The following SETBP1 variants were observed in gnomAD, a reference collection of about 807,000 sequenced individuals.
The protein encoded by SETBP1 is SET-binding protein.
In SETBP1, 9 loss-of-function variants were observed where a neutral mutation model predicts 101.0. That is an observed-to-expected ratio of 0.09 (90% CI 0.05 to 0.16). The LOEUF (loss-of-function observed/expected upper bound fraction) is 0.16. SETBP1 is among the 10% of genes least tolerant of loss of function. SETBP1 has a pLI of 1.00. For synonymous variants in SETBP1, 818 were observed against 788.5 expected, an observed-to-expected ratio of 1.04 and a Z score of -0.63; for missense variants, 1,858 against 2,033.8, an observed-to-expected ratio of 0.91 and a Z score of 1.66.
chr18:44,827,235 G>A (rs1025103344), intron 2 of SETBP1, among the ~76,000 whole-genome samples: 5 of 152,126 alleles, frequency 3.3e-5, no homozygotes, highest in Non-Finnish European at 7.4e-5. Flanking sequence ...TCCCAATATA[G>A]TTTCCGAAAG....
chr18:44,701,773 C>T lies in SETBP1; in HGVS notation c.427C>T (p.Arg143Cys), dbSNP rs768195901. The change falls in exon 2 of 6, where the codon CGT becomes TGT. Residue 143 changes from arginine to cysteine, a missense_variant. Physicochemically the swap from Arg to Cys is radical, Grantham distance 180. Coordinates refer to ENST00000649279, the MANE Select transcript of SETBP1 (RefSeq NM_015559.3). ...GCAGTCTGGGGACCAGAAGGTGTCCCGTGCTGGAAAAAATAGCAAAGCCAC... is the reference window on the plus strand; with the variant it reads ...GCAGTCTGGGGACCAGAAGGTGTCCTGTGCTGGAAAAAATAGCAAAGCCAC... Reference protein sequence around the residue: ...IKQSGDQKVSRAGKNSKATKE... With the variant: ...IKQSGDQKVSCAGKNSKATKE... The T allele has an allele frequency of 3.7e-6, 6 of 1,611,098 alleles. No homozygotes were observed. The highest frequency in any genetic ancestry group is 1.1e-5 in the South Asian group (1 of 91,014).
rs2073992384 is a variant in SETBP1 at position 45,068,107 on chromosome 18, C to T, written c.*4409C>T. On this transcript the variant is annotated 3_prime_UTR_variant, in exon 6 of 6. Coordinates refer to ENST00000649279, the MANE Select transcript of SETBP1 (RefSeq NM_015559.3). ...GTATTCATAAGTGGTTTTTAAAAGC[C>T]TTTTTTAAAGTGTAATTTGCATGTT... 6.6e-6 allele frequency: 1 copy of T among 151,974 alleles called. No individual in the cohort carries two copies. Among genetic ancestry groups the T allele is most frequent in the African/African-American group, 2.4e-5 (1 of 41,376 alleles). The allele number at this position is 151,974 out of a possible 1,614,324, so 9.4% of individuals were successfully genotyped here.
intron 2 of SETBP1, among the ~76,000 whole-genome samples, chr18:44,863,484 C>T (rs1443294631): frequency 2.0e-5 from 3 of 152,188 alleles, no homozygotes; most frequent in Non-Finnish European, 4.4e-5. Flanking sequence ...TTTCCTTACC[C>T]GTAGGCTGTT....
At chr18:44,969,523 CA>C (rs1021618642) in intron 4 of SETBP1, among the ~76,000 whole-genome samples, 1 of 152,116 alleles carries the variant, frequency 6.6e-6, no homozygotes, top group Non-Finnish European at 1.5e-5. Context: ...TATTCTTATG[CA>C]AATAAAGGAG....
chr18:45,023,575 T>C (rs909840673), intron 4 of SETBP1, among the ~76,000 whole-genome samples: 5 of 152,196 alleles, frequency 3.3e-5, no homozygotes, highest in South Asian at 2.1e-4. Flanking sequence ...AAATTGAATA[T>C]GTAGATGATG....
At chr18:44,847,573 C>T (rs2072749260) in intron 2 of SETBP1, among the ~76,000 whole-genome samples, 1 of 152,176 alleles carries the variant, frequency 6.6e-6, no homozygotes, top group Non-Finnish European at 1.5e-5. Context: ...GATGTAGAGA[C>T]ACGCATGCAT....
chr18:44,968,301 AAGAT>A (rs760012717), intron 4 of SETBP1, among the ~76,000 whole-genome samples: 1 of 152,364 alleles, frequency 6.6e-6, no homozygotes, highest in South Asian at 2.1e-4. Context: ...AGAAAGATAA[AAGAT>A]AGGGCTCCTG....
chr18:44,957,735 C>T (rs1229299050), intron 4 of SETBP1, among the ~76,000 whole-genome samples: 2 of 152,058 alleles, frequency 1.3e-5, no homozygotes, highest in Non-Finnish European at 2.9e-5. Context: ...AAGCAGTCAC[C>T]CAGATGAGGG....
Position 44,878,745 on chromosome 18 carries a change from C to T in SETBP1, c.540+9462C>T, listed in dbSNP as rs557870675. 6.6e-5 allele frequency among the ~76,000 whole-genome samples: 10 copies of T among 152,278 alleles called. 1 individual carries two copies. The highest frequency in any genetic ancestry group is 5.9e-4 in the Admixed American group (9 of 15,282). ...CCCCACTACCTGGCTCCCACTCTAA[C>T]CTTTTTGTCCTTCCACCTATCTACT... On this transcript the variant is annotated intron_variant, in intron 3 of 5. Transcript: ENST00000649279.
At chr18:44,756,018 A>G (rs978384522) in intron 2 of SETBP1, among the ~76,000 whole-genome samples, 2 of 152,070 alleles carry the variant, frequency 1.3e-5, no homozygotes, top group Non-Finnish European at 2.9e-5. Flanking sequence ...GATCAAGACC[A>G]TCCTGGCTAA....
At chr18:45,039,029 C>A (rs566693211) in intron 5 of SETBP1, among the ~76,000 whole-genome samples, 2 of 152,302 alleles carry the variant, frequency 1.3e-5, no homozygotes, top group South Asian at 4.1e-4. Context: ...CTTGTATCCT[C>A]ATTTTCAGAA....
chr18:44,801,802 A>G (rs1481198414), intron 2 of SETBP1, among the ~76,000 whole-genome samples: 1 of 142,466 alleles, frequency 7.0e-6, no homozygotes, highest in Non-Finnish European at 1.5e-5. Flanking sequence ...TTGGTCTTTG[A>G]TTTAGTTTAC....
chr18:45,037,199 A>G (rs765788941), intron 4 of SETBP1, among the ~76,000 whole-genome samples: 6 of 152,190 alleles, frequency 3.9e-5, no homozygotes, highest in Non-Finnish European at 8.8e-5. Context: ...CTGCAGATGA[A>G]GAAACTGAAT....
At chr18:44,998,277 A>T (rs2072541182) in intron 4 of SETBP1, among the ~76,000 whole-genome samples, 1 of 152,200 alleles carries the variant, frequency 6.6e-6, no homozygotes, top group Non-Finnish European at 1.5e-5. Context: ...TATGGAAAAC[A>T]CCTGAGTGGG....
At chr18:44,812,014 G>T (rs1186969923) in intron 2 of SETBP1, among the ~76,000 whole-genome samples, 1 of 152,206 alleles carries the variant, frequency 6.6e-6, no homozygotes, top group Non-Finnish European at 1.5e-5. Context: ...AGAAGCATCT[G>T]ACTGGGTGGC....
chr18:44,833,183 G>A (rs2072414739), intron 2 of SETBP1, among the ~76,000 whole-genome samples: 1 of 152,214 alleles, frequency 6.6e-6, no homozygotes, highest in African/African-American at 2.4e-5. Flanking sequence ...AAAATCTCAG[G>A]CCTCACCTGG....
rs531885076 is a variant in SETBP1, at chr18:44,758,932, G to A, written c.486+57100G>A. On this transcript the variant is annotated intron_variant, in intron 2 of 5. Transcript: ENST00000649279. ...AAAGCCCCCCATGCGTCCCTGGGAC[G>A]TCTGCAGGGACCACCACAGATGCTG... 1.1e-4 allele frequency among the ~76,000 whole-genome samples: 17 copies of A among 152,326 alleles called. 1 individual carries two copies. In the South Asian group the frequency reaches 3.3e-3, roughly 30 times the overall value.
chr18:44,713,762 A>G (rs2069397196), intron 2 of SETBP1, among the ~76,000 whole-genome samples: 1 of 152,256 alleles, frequency 6.6e-6, no homozygotes, highest in East Asian at 1.9e-4. Flanking sequence ...TGTACAAATT[A>G]TCACATCCGA....
At position 44,951,655 on chromosome 18, in the gene SETBP1, C is replaced by T. The variant is rs775018095; in HGVS notation, c.2315C>T (p.Ser772Leu). 15 of 1,614,068 alleles carry T rather than the reference C, an allele frequency of 9.3e-6. No homozygotes were observed. The highest frequency in any genetic ancestry group is 1.3e-5 in the Non-Finnish European group (15 of 1,180,042). Residue 772 changes from serine (S) to leucine (L), a missense_variant, in exon 4 of 6, where the codon TCA becomes TTA. Around this residue, in one of 12 missense-constraint regions of SETBP1, gnomAD observed 121 missense variants for 138.0 expected, o/e 0.88. Coordinates refer to ENST00000649279, the MANE Select transcript of SETBP1 (RefSeq NM_015559.3). The surrounding 1 kb of genome is among the most constrained non-coding windows in gnomAD (Gnocchi z 7.8). Reference sequence around the variant, plus strand: ...AACTTTCAGTCACTTGTGGCGTCTTCACCAGCAGCTATGCACCCACTTTCA... The same window carrying T: ...AACTTTCAGTCACTTGTGGCGTCTTTACCAGCAGCTATGCACCCACTTTCA... ...PSNFQSLVAS[S>L]PAAMHPLSTQ...
Sources: allele counts gnomAD v4.1 joint callset (sites outside exome capture counted in the v4.1 genomes callset), GRCh38; gene constraint gnomAD v4.1.1; regional missense constraint gnomAD v4.1.1; non-coding constraint Gnocchi (gnomAD v3.1); transcripts MANE v1.5; gene names NCBI Gene and HGNC (gene_info 2026-07-23, HGNC 2026-07-21).